Variants in PLCB4 observed in about 807,000 individuals in gnomAD.
PLCB4 encodes the protein 1-phosphatidylinositol 4,5-bisphosphate phosphodiesterase beta-4.
PLCB4 carries 77 observed loss-of-function variants against 178.8 expected under a neutral mutation model. That is an observed-to-expected ratio of 0.43 (90% CI 0.36 to 0.52). PLCB4 has a LOEUF of 0.52. Among genes scored for constraint, PLCB4 ranks in the 20% least tolerant of loss-of-function variants. The pLI is 0.00. For missense variants in PLCB4, 1,024 were observed against 1,453.4 expected, an observed-to-expected ratio of 0.70 and a Z score of 4.80; for synonymous variants, 496 against 490.8, an observed-to-expected ratio of 1.01 and a Z score of -0.14.
At chr20:9,146,806 G>A (rs1270476709) in intron 2 of PLCB4, among the ~76,000 whole-genome samples, 2 of 152,088 alleles carry the variant, frequency 1.3e-5, no homozygotes, top group African/African-American at 4.8e-5. Context: ...TAAGAGGATG[G>A]CAATGGGGAG....
At chr20:9,374,769 C>T (rs996260107) in intron 12 of PLCB4, among the ~76,000 whole-genome samples, 2 of 152,076 alleles carry the variant, frequency 1.3e-5, no homozygotes, top group Non-Finnish European at 2.9e-5. Context: ...TTTGTTGGTG[C>T]TCCCAACAGT....
intron 3 of PLCB4, among the ~76,000 whole-genome samples, chr20:9,286,781 C>T (rs6133691): frequency 6.6e-6 from 1 of 151,906 alleles, no homozygotes; most frequent in Non-Finnish European, 1.5e-5. Flanking sequence ...CGAAAGAGTC[C>T]TGAGATCTGG....
intron 25 of PLCB4, 88 bp downstream of exon 25, chr20:9,411,176 C>A: frequency 2.3e-6 from 2 of 872,878 alleles, no homozygotes; most frequent in Non-Finnish European, 3.7e-6. Context: ...CAATTAGGGG[C>A]TACAGAATTT....
intron 3 of PLCB4, among the ~76,000 whole-genome samples, chr20:9,299,311 T>A (rs1405137503): frequency 6.6e-6 from 1 of 152,088 alleles, no homozygotes; most frequent in Non-Finnish European, 1.5e-5. Context: ...ATATTTTTTC[T>A]GGAATATAAA....
intron 2 of PLCB4, among the ~76,000 whole-genome samples, chr20:9,124,964 G>C (rs1219603380): frequency 6.6e-6 from 1 of 152,118 alleles, no homozygotes; most frequent in Non-Finnish European, 1.5e-5. Flanking sequence ...TTACATTGAA[G>C]ATTGCCCAGG....
At chr20:9,071,291 T>G (rs1467513059) in intron 1 of PLCB4, among the ~76,000 whole-genome samples, 1 of 152,236 alleles carries the variant, frequency 6.6e-6, no homozygotes, top group Admixed American at 6.5e-5. Flanking sequence ...TAATGTATAC[T>G]GCTGACTTTG....
intron 2 of PLCB4, among the ~76,000 whole-genome samples, chr20:9,201,308 A>C (rs1287467335): frequency 6.6e-6 from 1 of 152,208 alleles, no homozygotes; most frequent in African/African-American, 2.4e-5. Flanking sequence ...ATAGTACTGT[A>C]TATATATAAT....
intron 4 of PLCB4, among the ~76,000 whole-genome samples, chr20:9,315,873 C>T (rs1030614299): frequency 2.0e-5 from 3 of 151,760 alleles, no homozygotes; most frequent in African/African-American, 2.4e-5. Flanking sequence ...GCAGAGGTTG[C>T]GGTGAGCTGA....
At chr20:9,170,166 A>G (rs977129725) in intron 2 of PLCB4, among the ~76,000 whole-genome samples, 1 of 152,152 alleles carries the variant, frequency 6.6e-6, no homozygotes, top group African/African-American at 2.4e-5. Flanking sequence ...GTCTCTCCAA[A>G]GAAGGATTTA....
intron 4 of PLCB4, among the ~76,000 whole-genome samples, chr20:9,316,802 GA>G (rs920946418): frequency 1.2e-4 from 19 of 152,100 alleles, no homozygotes; most frequent in African/African-American, 4.6e-4. Flanking sequence ...TTTTTGCAAA[GA>G]AAAACCCAAA....
In PLCB4 at chr20:9,473,421, A is replaced by G. The variant is rs1050593056; in HGVS notation, c.3495+56A>G. The G allele has an allele frequency of 1.1e-5, 11 of 975,312 alleles. No homozygotes were observed. In the African/African-American group the frequency reaches 1.6e-4, roughly 14 times the overall value. The allele number at this position is 975,312 out of a possible 1,614,324, so 60.4% of individuals were successfully genotyped here. A position where few individuals can be genotyped will look rare whatever the true frequency, so the allele number is the denominator to read the frequency against. On this transcript the variant is annotated intron_variant, in intron 38 of 39. Coordinates refer to ENST00000378473, the MANE Select transcript of PLCB4 (RefSeq NM_001377142.1). ...AGGCAGCTAGCCAGCTTTGGGATACACATGCCATGGCCCACAGTGACCAGT... is the reference window on the plus strand; with the variant it reads ...AGGCAGCTAGCCAGCTTTGGGATACGCATGCCATGGCCCACAGTGACCAGT...
intron 7 of PLCB4, among the ~76,000 whole-genome samples, chr20:9,350,748 C>T (rs919099968): frequency 3.9e-5 from 6 of 151,948 alleles, no homozygotes; most frequent in South Asian, 2.1e-4. Flanking sequence ...TAGTAGAGAC[C>T]GGGTTTCACC....
chr20:9,217,928 C>T (rs2093751397), intron 3 of PLCB4, among the ~76,000 whole-genome samples: 2 of 152,196 alleles, frequency 1.3e-5, no homozygotes, highest in African/African-American at 2.4e-5. Context: ...TCTTCCAGTG[C>T]TCCCCTAATG....
At chr20:9,133,393 G>A (rs890372442) in intron 2 of PLCB4, among the ~76,000 whole-genome samples, 2 of 151,944 alleles carry the variant, frequency 1.3e-5, no homozygotes, top group Non-Finnish European at 2.9e-5. Flanking sequence ...TCAGCCTCCC[G>A]AGTAGTTGGG....
chr20:9,165,942 T>C (rs1273820053), intron 2 of PLCB4, among the ~76,000 whole-genome samples: 1 of 152,090 alleles, frequency 6.6e-6, no homozygotes, highest in African/African-American at 2.4e-5. Flanking sequence ...TAGATCTCAT[T>C]TTAGACAGTA....
chr20:9,234,684 G>A (rs2093973306), intron 3 of PLCB4, among the ~76,000 whole-genome samples: 1 of 152,152 alleles, frequency 6.6e-6, no homozygotes, highest in African/African-American at 2.4e-5. Context: ...AATTCGACTG[G>A]CCTGAGGAAA....
At chr20:9,199,908 T>A (rs1401690352) in intron 2 of PLCB4, among the ~76,000 whole-genome samples, 1 of 146,170 alleles carries the variant, frequency 6.8e-6, no homozygotes, top group Non-Finnish European at 1.5e-5. Flanking sequence ...CCTGTTTATC[T>A]GTTGTTAATC....
chr20:9,427,992 A>G (rs2041145375), intron 28 of PLCB4, among the ~76,000 whole-genome samples: 1 of 152,088 alleles, frequency 6.6e-6, no homozygotes, highest in Non-Finnish European at 1.5e-5. Context: ...GTGACCCTCT[A>G]TTTCTTTGTA....
chr20:9,385,744 G>A (rs567235021), intron 14 of PLCB4, among the ~76,000 whole-genome samples: 15 of 148,358 alleles, frequency 1.0e-4, no homozygotes, highest in South Asian at 4.3e-4. Flanking sequence ...CGGGGCGGCC[G>A]GGCAGAGGTG....
Sources: gnomAD v4.1 joint callset for allele counts (sites outside exome capture counted in the v4.1 genomes callset) on GRCh38, gnomAD v4.1.1 for gene constraint, MANE v1.5 for transcripts, NCBI Gene and HGNC (gene_info 2026-07-23, HGNC 2026-07-21) for gene names.